FAF1: variants seen among roughly 807,000 people sequenced by gnomAD.
The protein encoded by FAF1 is FAS-associated factor 1.
FAF1 carries 25 observed loss-of-function variants against 92.5 expected under a neutral mutation model. That is an observed-to-expected ratio of 0.27 (90% CI 0.20 to 0.38). FAF1 has a LOEUF of 0.38. Among genes scored for constraint, FAF1 ranks in the 10% least tolerant of loss-of-function variants. FAF1 has a pLI of 1.00. For synonymous variants in FAF1, 234 were observed against 273.2 expected (o/e 0.86, Z 1.42); for missense variants, 636 against 793.3 (o/e 0.80, Z 2.38).
At chr1:50,550,912 T>C (rs1242398585) in intron 13 of FAF1, among the ~76,000 whole-genome samples, 2 of 152,094 alleles carry the variant, frequency 1.3e-5, no homozygotes, top group Non-Finnish European at 2.9e-5. Context: ...AATGGTAAAA[T>C]GTAAATGCTC....
intron 2 of FAF1, among the ~76,000 whole-genome samples, chr1:50,855,695 GATAA>G (rs1270686155): frequency 6.6e-6 from 1 of 151,746 alleles, no homozygotes; most frequent in African/African-American, 2.4e-5. Context: ...ATGAAAACAG[GATAA>G]ATGATAAAAT....
chr1:50,706,637 T>G (rs886585617), intron 6 of FAF1, among the ~76,000 whole-genome samples: 3 of 151,788 alleles, frequency 2.0e-5, no homozygotes, highest in Middle Eastern at 3.2e-3. Context: ...ACTCAAAGAC[T>G]CTGGTTCAAT....
At chr1:50,744,842 G>T in intron 4 of FAF1, 67 bp from the exon 5 acceptor site, 1 of 885,282 alleles carries the variant, frequency 1.1e-6, no homozygotes, top group Non-Finnish European at 1.8e-6. Context: ...TCCATATCCA[G>T]AGCTAACACT....
chr1:50,704,109 C>A (rs1236443226), intron 7 of FAF1, among the ~76,000 whole-genome samples: 1 of 152,132 alleles, frequency 6.6e-6, no homozygotes, highest in Non-Finnish European at 1.5e-5. Flanking sequence ...CTGCAATATG[C>A]CAATTATCTG....
intron 4 of FAF1, among the ~76,000 whole-genome samples, chr1:50,747,905 C>T (rs1002659331): frequency 2.6e-5 from 4 of 152,256 alleles, no homozygotes; most frequent in South Asian, 2.1e-4. Flanking sequence ...GGCAATGTGA[C>T]GATGTCTGCT....
intron 15 of FAF1, among the ~76,000 whole-genome samples, chr1:50,516,457 G>C (rs748759833): frequency 7.9e-5 from 12 of 152,126 alleles, no homozygotes; most frequent in Non-Finnish European, 1.5e-4. Flanking sequence ...CCTTGGCTTG[G>C]ACTTGTCACA....
chr1:50,842,439 A>G lies in FAF1; in HGVS notation c.114+15490T>C, dbSNP rs186607636. Among the ~76,000 whole-genome samples, 165 of 152,248 alleles carry G rather than the reference A, an allele frequency of 1.1e-3. No individual in the cohort carries two copies. In the Middle Eastern group the frequency reaches 0.014, roughly 13 times the overall value. Reference sequence around the variant, plus strand: ...TAGATCATTCTTAAGCATATATTTTAATACTACATGCATTACTGAAAAAAT... The same window carrying G: ...TAGATCATTCTTAAGCATATATTTTGATACTACATGCATTACTGAAAAAAT... On this transcript the variant is annotated intron_variant, in intron 2 of 18. Transcript: ENST00000396153.
intron 15 of FAF1, among the ~76,000 whole-genome samples, chr1:50,517,246 TATAAG>T (rs1276511041): frequency 3.9e-5 from 6 of 152,100 alleles, no homozygotes; most frequent in Admixed American, 3.9e-4. Context: ...ATACCCCCAT[TATAAG>T]ATAACTATTT....
chr1:50,726,562 GC>G (rs1194504883), intron 6 of FAF1, among the ~76,000 whole-genome samples: 1 of 152,056 alleles, frequency 6.6e-6, no homozygotes, highest in East Asian at 1.9e-4. Context: ...GGGTGTGGCA[GC>G]TCACGCCTGT....
Position 50,683,596 on chromosome 1 carries a change from G to T in FAF1, c.657+22190C>A, listed in dbSNP as rs576887580. Among the ~76,000 whole-genome samples, 105 of 151,440 alleles carry T rather than the reference G, an allele frequency of 6.9e-4. 1 individual carries two copies. The highest frequency in any genetic ancestry group is 9.4e-4 in the Non-Finnish European group (64 of 67,880). On this transcript the variant is annotated intron_variant, in intron 7 of 18. Transcript: ENST00000396153. ...ATGTTACTTTTGATAAAACTGATAG[G>T]AACCTTAATAGAAAATACAAGTTGT...
At chr1:50,851,721 T>C (rs941267597) in intron 2 of FAF1, among the ~76,000 whole-genome samples, 1 of 152,134 alleles carries the variant, frequency 6.6e-6, no homozygotes, top group African/African-American at 2.4e-5. Context: ...AAAGTAATTC[T>C]AGAACTAGAT....
At chr1:50,458,995 A>T (rs1254836719) in intron 18 of FAF1, among the ~76,000 whole-genome samples, 2 of 149,194 alleles carry the variant, frequency 1.3e-5, no homozygotes, top group Non-Finnish European at 3.0e-5. Flanking sequence ...TTTTTGAGAC[A>T]GAGTCTTGTT....
intron 5 of FAF1, among the ~76,000 whole-genome samples, chr1:50,739,428 A>G (rs904288144): frequency 1.3e-5 from 2 of 151,986 alleles, no homozygotes; most frequent in Non-Finnish European, 2.9e-5. Context: ...GTGTATGTGT[A>G]TGTGTGTATA....
At chr1:50,600,954 C>T (rs1476731206) in intron 8 of FAF1, among the ~76,000 whole-genome samples, 1 of 152,120 alleles carries the variant, frequency 6.6e-6, no homozygotes, top group Admixed American at 6.5e-5. Context: ...ATATAATCCA[C>T]ATAAACAAAA....
rs573970712 is a variant in FAF1 at position 50,909,594 on chromosome 1, A to G, written c.45+50173T>C. On this transcript the variant is annotated intron_variant, in intron 1 of 18. Coordinates refer to ENST00000396153, the MANE Select transcript of FAF1 (RefSeq NM_007051.3). ...TGTTTCTTTTTGCTCTTTTTTCTCT[A>G]AACTTCTCTTCTTGCTTCATTTCAT... is the stretch of plus-strand genomic sequence containing the variant. Among the ~76,000 whole-genome samples, 30 of 152,094 alleles carry G rather than the reference A, an allele frequency of 2.0e-4. 1 individual carries two copies. The South Asian group carries it at 6.0e-3, about 30-fold the overall frequency.
intron 12 of FAF1, among the ~76,000 whole-genome samples, chr1:50,581,068 C>A (rs984282787): frequency 2.6e-5 from 4 of 152,220 alleles, no homozygotes; most frequent in African/African-American, 9.7e-5. Flanking sequence ...GCCATCACAT[C>A]CAGCCCAGTA....
At chr1:50,494,340 TA>T (rs1232010817) in intron 15 of FAF1, among the ~76,000 whole-genome samples, 1 of 152,238 alleles carries the variant, frequency 6.6e-6, no homozygotes, top group African/African-American at 2.4e-5. Context: ...TTTGTTCTCA[TA>T]ACCTGTAGAT....
At chr1:50,584,116 G>A (rs1209939558) in intron 10 of FAF1, among the ~76,000 whole-genome samples, 1 of 152,054 alleles carries the variant, frequency 6.6e-6, no homozygotes, top group Non-Finnish European at 1.5e-5. Flanking sequence ...CCAATTTTAT[G>A]TAAACATCAC....
intron 6 of FAF1, among the ~76,000 whole-genome samples, chr1:50,715,430 T>C (rs1658130938): frequency 6.6e-6 from 1 of 152,138 alleles, no homozygotes; most frequent in African/African-American, 2.4e-5. Flanking sequence ...AGAAAGGTCC[T>C]GTCTCAAAAT....
Sources: gnomAD v4.1 joint callset for allele counts (sites outside exome capture counted in the v4.1 genomes callset) on GRCh38, gnomAD v4.1.1 for gene constraint, MANE v1.5 for transcripts, NCBI Gene and HGNC (gene_info 2026-07-23, HGNC 2026-07-21) for gene names.